DENND1A: variants seen among roughly 807,000 people sequenced by gnomAD.
DENND1A encodes the protein DENN domain-containing protein 1A.
DENND1A carries 51 observed loss-of-function variants against 113.7 expected under a neutral mutation model. The ratio of observed to expected loss-of-function variants is 0.45; its 90% CI spans 0.36 to 0.57. The LOEUF (loss-of-function observed/expected upper bound fraction) is 0.57. Ranked by LOEUF, DENND1A falls within the 20% of genes least tolerant of loss-of-function variation. The pLI is 0.00. For synonymous variants in DENND1A, 565 were observed against 570.8 expected, an observed-to-expected ratio of 0.99 and a Z score of 0.14; for missense variants, 1,258 against 1,395.9, an observed-to-expected ratio of 0.90 and a Z score of 1.57.
At chr9:123,427,852 T>C (rs944516824) in intron 19 of DENND1A, among the ~76,000 whole-genome samples, 4 of 152,220 alleles carry the variant, frequency 2.6e-5, no homozygotes, top group South Asian at 2.1e-4. Flanking sequence ...AGCGAGTCAA[T>C]GCCGTGCCTT....
intron 1 of DENND1A, among the ~76,000 whole-genome samples, chr9:123,918,166 T>C (rs1855532032): frequency 6.6e-6 from 1 of 150,408 alleles, no homozygotes; most frequent in East Asian, 2.0e-4. Context: ...TGGGATCCTG[T>C]TAAAAGGACT....
rs1842646865 is a variant in DENND1A at position 123,846,547 on chromosome 9, C to T, written c.88+32404G>A. On this transcript the variant is annotated intron_variant, in intron 2 of 23. Transcript: ENST00000394215. ...GAGGAATGAAGTTCTGTACATACTA[C>T]AACATGAATAAAGCTTGAAAACATT... Among the ~76,000 whole-genome samples, 2 of 152,100 alleles carry T rather than the reference C, an allele frequency of 1.3e-5. 1 individual carries two copies. Among genetic ancestry groups the T allele is most frequent in the South Asian group, 4.1e-4 (2 of 4,836 alleles).
At chr9:123,855,383 G>A (rs1406182797) in intron 2 of DENND1A, among the ~76,000 whole-genome samples, 1 of 145,500 alleles carries the variant, frequency 6.9e-6, no homozygotes, top group African/African-American at 2.8e-5. Context: ...CCTCCTAAAA[G>A]AGGTGGCACC....
intron 3 of DENND1A, among the ~76,000 whole-genome samples, chr9:123,792,114 T>G (rs1348641776): frequency 2.6e-5 from 4 of 152,178 alleles, no homozygotes; most frequent in African/African-American, 4.8e-5. Context: ...ACCCTCACCC[T>G]TAAGTCCATT....
intron 2 of DENND1A, among the ~76,000 whole-genome samples, chr9:123,841,208 A>C (rs562438061): frequency 1.3e-5 from 2 of 152,326 alleles, no homozygotes; most frequent in South Asian, 4.1e-4. Flanking sequence ...TACCAATTCC[A>C]TAATTCCAGT....
chr9:123,556,140 G>A (rs916139758), intron 13 of DENND1A, among the ~76,000 whole-genome samples: 2 of 152,192 alleles, frequency 1.3e-5, no homozygotes, highest in East Asian at 1.9e-4. Context: ...AAGGGCTTTC[G>A]AGAAACCTAA....
intron 11 of DENND1A, among the ~76,000 whole-genome samples, chr9:123,608,507 AC>A (rs2060270584): frequency 6.6e-6 from 1 of 151,814 alleles, no homozygotes; most frequent in African/African-American, 2.4e-5. Context: ...ACAAATTAAA[AC>A]TCTCTCCTGA....
chr9:123,557,745 G>A, intron 12 of DENND1A, 50 bp from the exon 13 acceptor site: 1 of 1,602,848 alleles, frequency 6.2e-7, no homozygotes, highest in East Asian at 2.2e-5. Context: ...GTCAAAGTAG[G>A]GTGGCTGACT....
intron 19 of DENND1A, among the ~76,000 whole-genome samples, chr9:123,415,593 C>T (rs1015998289): frequency 1.3e-5 from 2 of 152,188 alleles, no homozygotes; most frequent in African/African-American, 4.8e-5. Flanking sequence ...TCTCAGATTT[C>T]GGACACTAGA....
chr9:123,388,542 C>G (rs2042682366), intron 21 of DENND1A, among the ~76,000 whole-genome samples: 2 of 152,208 alleles, frequency 1.3e-5, no homozygotes, highest in Admixed American at 1.3e-4. Flanking sequence ...AGGCCCTTTT[C>G]TGATTAGCGG....
intron 13 of DENND1A, among the ~76,000 whole-genome samples, chr9:123,488,893 ACC>A (rs1365436062): frequency 1.3e-5 from 2 of 151,890 alleles, no homozygotes; most frequent in Admixed American, 1.3e-4. Flanking sequence ...CTGCCGAGCC[ACC>A]CGGGAAAGAC....
intron 13 of DENND1A, among the ~76,000 whole-genome samples, chr9:123,465,805 A>T (rs1448088270): frequency 6.6e-6 from 1 of 152,224 alleles, no homozygotes; most frequent in Non-Finnish European, 1.5e-5. Flanking sequence ...CATTATAAGA[A>T]AAAATAAAAA....
chr9:123,408,335 A>T (rs764274968), intron 20 of DENND1A, among the ~76,000 whole-genome samples: 6 of 152,168 alleles, frequency 3.9e-5, no homozygotes, highest in East Asian at 1.9e-4. Context: ...AATGGTCCTT[A>T]GGGGCCCAGA....
intron 2 of DENND1A, among the ~76,000 whole-genome samples, chr9:123,874,106 T>C (rs1847072811): frequency 6.6e-6 from 1 of 151,782 alleles, no homozygotes; most frequent in African/African-American, 2.4e-5. Flanking sequence ...TCCCAACACT[T>C]TGGAGTCTGA....
chr9:123,771,592 CAA>C (rs919154702), intron 3 of DENND1A, among the ~76,000 whole-genome samples: 1 of 152,108 alleles, frequency 6.6e-6, no homozygotes, highest in African/African-American at 2.4e-5. Flanking sequence ...CAAAAGGCCT[CAA>C]AGATTTTTGA....
intron 3 of DENND1A, among the ~76,000 whole-genome samples, chr9:123,779,980 A>G (rs1250280148): frequency 2.0e-5 from 3 of 146,934 alleles, no homozygotes; most frequent in Non-Finnish European, 3.0e-5. Flanking sequence ...CAGCCTCCTG[A>G]GTAGCTGGGA....
chr9:123,615,241 G>A (rs75666247), intron 10 of DENND1A, among the ~76,000 whole-genome samples: 8,587 of 152,286 alleles, frequency 0.056, 265 homozygotes, highest in African/African-American at 0.069. Context: ...TAAGGAGGGT[G>A]CTATCAGAAC....
At chr9:123,757,884 T>G in intron 4 of DENND1A, 62 bp from the exon 5 acceptor site, 1 of 1,587,222 alleles carries the variant, frequency 6.3e-7, no homozygotes, top group Non-Finnish European at 8.6e-7. Flanking sequence ...ATAAAGTATC[T>G]AATCACAATG....
intron 2 of DENND1A, among the ~76,000 whole-genome samples, chr9:123,819,749 G>A (rs920130130): frequency 2.0e-4 from 31 of 152,112 alleles, no homozygotes; most frequent in Non-Finnish European, 7.3e-5. Context: ...TGTTGTCCAC[G>A]CTGGTCTCAA....
Sources: gnomAD v4.1 joint callset for allele counts (sites outside exome capture counted in the v4.1 genomes callset) on GRCh38, gnomAD v4.1.1 for gene constraint, MANE v1.5 for transcripts, NCBI Gene and HGNC (gene_info 2026-07-23, HGNC 2026-07-21) for gene names.